The following SCML4 variants were observed in gnomAD, a reference collection of about 807,000 sequenced individuals.
SCML4 encodes sex comb on midleg-like protein 4.
Under a neutral mutation model 41.1 loss-of-function variants are expected in SCML4, and 34 were observed. That is an observed-to-expected ratio of 0.83 (90% CI 0.63 to 1.10). The LOEUF (loss-of-function observed/expected upper bound fraction) is 1.10. SCML4 is among the 50% of genes least tolerant of loss of function. The pLI is 0.00. For synonymous variants in SCML4, 214 were observed against 220.9 expected (o/e 0.97, Z 0.28); for missense variants, 522 against 534.1 (o/e 0.98, Z 0.22).
Position 107,746,853 on chromosome 6 carries a change from G to A in SCML4, c.323C>T (p.Pro108Leu). The stretch of plus-strand genomic sequence containing the variant: ...CTGCACCTTCTTCCTCTCCAGATAG[G>A]GCCCCGCATTGGCCTGCTTGTTGAT... ...LYINKQANAG[P>L]YLERKKVQQL... Residue 108 changes from proline to leucine, a missense_variant, in exon 4 of 8, where the codon CCC becomes CTC. Coordinates refer to ENST00000369020, the MANE Select transcript of SCML4 (RefSeq NM_198081.5). 1 of 1,613,966 alleles carries A rather than the reference G, an allele frequency of 6.2e-7. No individual in the cohort carries two copies. The highest frequency in any genetic ancestry group is 1.3e-5 in the African/African-American group (1 of 75,048).
the SCML4 span, among the ~76,000 whole-genome samples, chr6:107,830,526 G>A: frequency 6.6e-6 from 1 of 152,214 alleles, no homozygotes; most frequent in Admixed American, 6.5e-5. Context: ...TTAATTCCAA[G>A]ATGGCAGGGA....
At chr6:107,780,800 A>G (rs938971) in intron 1 of SCML4, among the ~76,000 whole-genome samples, 64,490 of 151,792 alleles carry the variant, frequency 0.42, 14,430 homozygotes, top group African/African-American at 0.54. Flanking sequence ...AAGAGTCGGC[A>G]TTAGCTTGTA....
intron 5 of SCML4, among the ~76,000 whole-genome samples, chr6:107,735,444 G>T (rs1333219443): frequency 2.0e-5 from 3 of 151,866 alleles, no homozygotes; most frequent in African/African-American, 7.3e-5. Flanking sequence ...TTTGAGGGCG[G>T]GGGGATTCCA....
Position 107,769,174 on chromosome 6 carries a change from A to G in SCML4, c.156+2998T>C, listed in dbSNP as rs77994601. Among the ~76,000 whole-genome samples, 1,247 of 152,334 alleles carry G rather than the reference A, an allele frequency of 8.2e-3. 22 individuals are homozygous for G. The highest frequency in any genetic ancestry group is 0.028 in the African/African-American group (1,181 of 41,568). ...TTCAGAGGTTTTGCTTTCTTTGACC[A>G]GGGCAAGAAGGGGGCAGTAGCACCA... is the stretch of plus-strand genomic sequence containing the variant. On this transcript the variant is annotated intron_variant, in intron 2 of 7. Transcript: ENST00000369020.
At chr6:107,844,294 G>A in the SCML4 span, among the ~76,000 whole-genome samples, 2 of 152,136 alleles carry the variant, frequency 1.3e-5, no homozygotes, top group East Asian at 3.9e-4. Flanking sequence ...AAAGGGCGCT[G>A]GTCCTCAAGT....
intron 6 of SCML4, among the ~76,000 whole-genome samples, chr6:107,713,670 G>A (rs548176548): frequency 6.6e-6 from 1 of 152,320 alleles, no homozygotes; most frequent in Admixed American, 6.5e-5. Context: ...AAGACAGGAA[G>A]GTCATTGTCT....
intron 6 of SCML4, among the ~76,000 whole-genome samples, chr6:107,711,469 G>A (rs1739867): frequency 0.75 from 114,234 of 152,144 alleles, 43,082 homozygotes; most frequent in Admixed American, 0.81. Context: ...GCAATAGGCT[G>A]TACCACACCG....
intron 5 of SCML4, among the ~76,000 whole-genome samples, chr6:107,738,914 C>A (rs1467890708): frequency 6.6e-6 from 1 of 152,142 alleles, no homozygotes; most frequent in Non-Finnish European, 1.5e-5. Flanking sequence ...ATGACCCTAA[C>A]AAGTCACACA....
rs1773263112 is a variant in SCML4 at position 107,702,496 on chromosome 6, G to T, written c.*2704C>A. ...TTGATACTGGAAGTCACTACATGAG[G>T]TATCTGTTGATGGAAGAGGTACCAC... On this transcript the variant is annotated 3_prime_UTR_variant, in exon 8 of 8. Transcript: ENST00000369020. 6.6e-6 allele frequency among the ~76,000 whole-genome samples: 1 copy of T among 152,164 alleles called. No individual in the cohort carries two copies. The highest frequency in any genetic ancestry group is 1.5e-5 in the Non-Finnish European group (1 of 68,036).
chr6:107,715,032 T>TGGCATGATCTCGGCTCAGTGCAAC (rs1258593110), intron 6 of SCML4, among the ~76,000 whole-genome samples: 1 of 149,122 alleles, frequency 6.7e-6, no homozygotes, highest in African/African-American at 2.5e-5. Context: ...TGCAGTGCAG[T>TGGCATGATCTCGGCTCAGTGCAAC]GGCATGATCT....
the SCML4 span, among the ~76,000 whole-genome samples, chr6:107,830,109 G>A: frequency 6.6e-6 from 1 of 152,122 alleles, no homozygotes; most frequent in African/African-American, 2.4e-5. Context: ...CCCCACCCAA[G>A]GGCCTCTGAA....
At chr6:107,765,624 T>C (rs1408691123) in intron 2 of SCML4, among the ~76,000 whole-genome samples, 3 of 143,882 alleles carry the variant, frequency 2.1e-5, no homozygotes, top group African/African-American at 2.9e-5. Flanking sequence ...GTTTTTTACT[T>C]AGTGAAACCA....
intron 1 of SCML4, among the ~76,000 whole-genome samples, chr6:107,790,339 T>C (rs372367745): frequency 6.6e-5 from 10 of 152,244 alleles, no homozygotes; most frequent in African/African-American, 2.4e-4. Flanking sequence ...GATTGACTCA[T>C]AGAAAGAAAG....
At chr6:107,764,378 A>G (rs1779866365) in intron 2 of SCML4, among the ~76,000 whole-genome samples, 1 of 152,194 alleles carries the variant, frequency 6.6e-6, no homozygotes, top group Non-Finnish European at 1.5e-5. Flanking sequence ...AATAAAATAG[A>G]TTGCCTTCAT....
Position 107,779,059 on chromosome 6 carries a change from A to G in SCML4, c.-59-6673T>C, listed in dbSNP as rs1038975837. ...GCCGGGCGTGGTGGCGGGCGCCTGT[A>G]GTCCCAGCTACTCCGGAGGCTGAGG... is the stretch of plus-strand genomic sequence containing the variant. On this transcript the variant is annotated intron_variant, in intron 1 of 7. Transcript: ENST00000369020. 5.9e-5 allele frequency among the ~76,000 whole-genome samples: 9 copies of G among 152,184 alleles called. No individual in the cohort carries two copies. The South Asian group carries it at 1.9e-3, about 32-fold the overall frequency.
the SCML4 span, among the ~76,000 whole-genome samples, chr6:107,839,286 C>A: frequency 7.1e-6 from 1 of 141,808 alleles, no homozygotes; most frequent in Non-Finnish European, 1.5e-5. Flanking sequence ...AAAGACAGAC[C>A]CTGTCAAAAG....
At chr6:107,794,527 C>T (rs1782569076) in intron 1 of SCML4, among the ~76,000 whole-genome samples, 1 of 151,758 alleles carries the variant, frequency 6.6e-6, no homozygotes, top group Admixed American at 6.6e-5. Flanking sequence ...AAACTGTATA[C>T]AAGAAAGAAC....
intron 1 of SCML4, among the ~76,000 whole-genome samples, chr6:107,818,440 A>G (rs555927667): frequency 2.0e-4 from 30 of 152,226 alleles, no homozygotes; most frequent in Non-Finnish European, 4.3e-4. Context: ...GCATTGTGCA[A>G]CATTTGTGAT....
chr6:107,735,118 C>T (rs1484068784), intron 5 of SCML4, among the ~76,000 whole-genome samples: 1 of 152,202 alleles, frequency 6.6e-6, no homozygotes, highest in Non-Finnish European at 1.5e-5. Flanking sequence ...TCAAGCAGTC[C>T]ACCCACCTCG....
Sources: gnomAD v4.1 joint callset for allele counts (sites outside exome capture counted in the v4.1 genomes callset) on GRCh38, gnomAD v4.1.1 for gene constraint, MANE v1.5 for transcripts, NCBI Gene and HGNC (gene_info 2026-07-23, HGNC 2026-07-21) for gene names.